The following BANK1 variants were observed in gnomAD, a reference collection of about 807,000 sequenced individuals.
The protein encoded by BANK1 is B-cell scaffold protein with ankyrin repeats.
In BANK1, 95 loss-of-function variants were observed where a neutral mutation model predicts 94.5. The ratio of observed to expected loss-of-function variants is 1.00; its 90% CI spans 0.85 to 1.19. The LOEUF (loss-of-function observed/expected upper bound fraction) is 1.19. Ranked by LOEUF, BANK1 falls within the 50% of genes most tolerant of loss-of-function variation. The probability of loss-of-function intolerance (pLI) is 0.00; values close to 1 mark genes in which losing one functional copy is unlikely to be tolerated. For missense variants in BANK1, 987 were observed against 932.2 expected, an observed-to-expected ratio of 1.06 and a Z score of -0.77; for synonymous variants, 334 against 308.4, an observed-to-expected ratio of 1.08 and a Z score of -0.87.
At chr4:101,852,477 T>TATATATATAC (rs1553927044) in intron 2 of BANK1, among the ~76,000 whole-genome samples, 1 of 102,674 alleles carries the variant, frequency 9.7e-6, no homozygotes, top group African/African-American at 3.8e-5. Context: ...CGGCTATATA[T>TATATATATAC]ATATATATAT....
At chr4:101,886,727 T>C (rs1023374985) in intron 5 of BANK1, among the ~76,000 whole-genome samples, 1 of 142,854 alleles carries the variant, frequency 7.0e-6, no homozygotes, top group African/African-American at 2.6e-5. Context: ...GTTAAAACTT[T>C]GAGACCTTTT....
chr4:102,069,567 C>A (rs754365716), intron 13 of BANK1, among the ~76,000 whole-genome samples: 6 of 152,164 alleles, frequency 3.9e-5, no homozygotes, highest in Admixed American at 2.0e-4. Flanking sequence ...ATGCACTTAC[C>A]ATATGACCTA....
intron 10 of BANK1, chr4:102,032,312 GA>G (rs1727348104): frequency 6.6e-6 from 1 of 152,096 alleles, no homozygotes; most frequent in South Asian, 2.1e-4. Flanking sequence ...TCCTTCTATT[GA>G]TGGTCATATT....
At chr4:102,030,451 A>G (rs530969102) in intron 10 of BANK1, among the ~76,000 whole-genome samples, 186 bp downstream of exon 10, 4 of 151,808 alleles carry the variant, frequency 2.6e-5, no homozygotes, top group African/African-American at 4.8e-5. Context: ...TATTATTATT[A>G]TACTTTAAGT....
rs1727787233 is a variant in BANK1 at position 102,043,910 on chromosome 4, A to G, written c.1969+3A>G. 2 of 1,534,922 alleles carry G rather than the reference A, an allele frequency of 1.3e-6. No homozygotes were observed. The highest frequency in any genetic ancestry group is 2.3e-5 in the East Asian group (1 of 44,386). On this transcript the variant is annotated splice_donor_region_variant and intron_variant, in intron 11 of 16. Coordinates refer to ENST00000322953, the MANE Select transcript of BANK1 (RefSeq NM_017935.5). ...CTGTGGTCTTCCTAAGAAACAAGGT[A>G]CTAACACTAACTTCAATCTATTTAG...
At chr4:101,957,190 A>C (rs1724377833) in intron 7 of BANK1, among the ~76,000 whole-genome samples, 1 of 152,166 alleles carries the variant, frequency 6.6e-6, no homozygotes. Context: ...ATATCTCTGC[A>C]TTTTACCTTT....
At chr4:101,865,325 GA>G (rs1440864411) in intron 4 of BANK1, among the ~76,000 whole-genome samples, 1 of 152,138 alleles carries the variant, frequency 6.6e-6, no homozygotes, top group Non-Finnish European at 1.5e-5. Context: ...TCTGAAAGCT[GA>G]ATATGGATTA....
At chr4:101,817,599 T>C (rs1578334155) in intron 1 of BANK1, among the ~76,000 whole-genome samples, 1 of 152,068 alleles carries the variant, frequency 6.6e-6, no homozygotes. Context: ...AATGCCTGGG[T>C]GATTGGATGA....
At chr4:101,983,148 C>G (rs1014559096) in intron 7 of BANK1, among the ~76,000 whole-genome samples, 4 of 151,984 alleles carry the variant, frequency 2.6e-5, no homozygotes, top group African/African-American at 9.7e-5. Context: ...AAATATTTAT[C>G]TTTAAAATTT....
At chr4:101,870,727 G>C in intron 5 of BANK1, 83 bp downstream of exon 5, 1 of 1,451,042 alleles carries the variant, frequency 6.9e-7, no homozygotes, top group Non-Finnish European at 9.2e-7. Context: ...TTTGGTATAA[G>C]TTTGAATGTG....
intron 10 of BANK1, chr4:102,032,459 T>A (rs1727353450): frequency 2.0e-5 from 3 of 152,270 alleles, no homozygotes; most frequent in South Asian, 4.1e-4. Flanking sequence ...GATTTGTTTT[T>A]AAATTTCTTT....
chr4:101,879,633 C>CAA lies in BANK1; in HGVS notation c.903+8996_903+8997dup, dbSNP rs372163222. Reference sequence around the variant, plus strand: ...TACCCTAATCCAGACAAACACACATCAAAAAAAAGAAAACTACAGGCCAAT... The same window carrying CAA: ...TACCCTAATCCAGACAAACACACATCAAAAAAAAAAGAAAACTACAGGCCAAT... On this transcript the variant is annotated intron_variant, in intron 5 of 16. Coordinates refer to ENST00000322953, the MANE Select transcript of BANK1 (RefSeq NM_017935.5). Among the ~76,000 whole-genome samples, 1,049 of 151,248 alleles carry CAA rather than the reference C, an allele frequency of 6.9e-3. 12 individuals carry two copies. Among genetic ancestry groups the CAA allele is most frequent in the African/African-American group, 0.024 (975 of 41,310 alleles).
chr4:101,958,427 T>C (rs1724442344), intron 7 of BANK1, among the ~76,000 whole-genome samples: 5 of 151,866 alleles, frequency 3.3e-5, no homozygotes, highest in Admixed American at 3.3e-4. Context: ...AAACACTTTT[T>C]TTTTTTTTGT....
At chr4:102,043,069 C>T (rs909705823) in intron 10 of BANK1, among the ~76,000 whole-genome samples, 1 of 152,012 alleles carries the variant, frequency 6.6e-6, no homozygotes, top group Non-Finnish European at 1.5e-5. Flanking sequence ...TTCCCAAACC[C>T]TGTAATTCAC....
intron 7 of BANK1, among the ~76,000 whole-genome samples, chr4:102,010,206 A>C (rs1329991558): frequency 2.0e-5 from 3 of 151,668 alleles, no homozygotes; most frequent in Non-Finnish European, 4.4e-5. Context: ...CAGAGCTTGC[A>C]GTGAGCAGAG....
At chr4:101,810,057 G>A (rs1271753662) in intron 1 of BANK1, among the ~76,000 whole-genome samples, 1 of 152,198 alleles carries the variant, frequency 6.6e-6, no homozygotes, top group Non-Finnish European at 1.5e-5. Flanking sequence ...GGAGGCAGAA[G>A]AGTGAGCACC....
At chr4:101,919,947 G>GA in intron 7 of BANK1, among the ~76,000 whole-genome samples, 1 of 151,960 alleles carries the variant, frequency 6.6e-6, no homozygotes, top group South Asian at 2.1e-4. Flanking sequence ...GACCCTCATG[G>GA]AAAAATGTTT....
chr4:101,943,752 A>G (rs1488366555), intron 7 of BANK1, among the ~76,000 whole-genome samples: 1 of 151,854 alleles, frequency 6.6e-6, no homozygotes, highest in East Asian at 1.9e-4. Context: ...AGTTTAAAAG[A>G]ATTAATTTTG....
intron 10 of BANK1, among the ~76,000 whole-genome samples, chr4:102,030,774 CT>C (rs1038471461): frequency 1.3e-5 from 2 of 152,026 alleles, no homozygotes; most frequent in African/African-American, 2.4e-5. Context: ...TGAACTCATC[CT>C]TTTTTATGGC....
Sources: allele counts gnomAD v4.1 joint callset (sites outside exome capture counted in the v4.1 genomes callset), GRCh38; gene constraint gnomAD v4.1.1; transcripts MANE v1.5; gene names NCBI Gene and HGNC (gene_info 2026-07-23, HGNC 2026-07-21).